The following JAM2 variants were observed in gnomAD, a reference collection of about 807,000 sequenced individuals.
JAM2 encodes the protein junctional adhesion molecule 2, also known as junctional adhesion molecule B.
JAM2 carries 17 observed loss-of-function variants against 42.0 expected under a neutral mutation model. The ratio of observed to expected loss-of-function variants is 0.40; its 90% CI spans 0.28 to 0.61. The LOEUF is 0.61. Ranked by LOEUF, JAM2 falls within the 20% of genes least tolerant of loss-of-function variation. JAM2 has a pLI of 0.37. For synonymous variants in JAM2, 118 were observed against 128.6 expected, an observed-to-expected ratio of 0.92 and a Z score of 0.56; for missense variants, 319 against 358.3, an observed-to-expected ratio of 0.89 and a Z score of 0.89.
intron 1 of JAM2, among the ~76,000 whole-genome samples, chr21:25,663,438 G>T (rs1410176403): frequency 6.6e-6 from 1 of 152,172 alleles, no homozygotes; most frequent in African/African-American, 2.4e-5. Context: ...TTGAATATTT[G>T]TTCCCTTCAA....
At chr21:25,641,368 C>T (rs1032238507) in intron 1 of JAM2, among the ~76,000 whole-genome samples, 7 of 152,258 alleles carry the variant, frequency 4.6e-5, no homozygotes, top group Admixed American at 2.6e-4. Flanking sequence ...AGAAACAATA[C>T]ACCCCAAGTC....
At chr21:25,665,807 G>A (rs550119182) in intron 1 of JAM2, among the ~76,000 whole-genome samples, 1 of 152,188 alleles carries the variant, frequency 6.6e-6, no homozygotes, top group East Asian at 1.9e-4. Flanking sequence ...TTGGGAGGCC[G>A]AGGCGGGTGG....
rs758045642 is a variant in JAM2 at position 25,643,378 on chromosome 21, C to A, written c.67+3490C>A. 5.0e-4 allele frequency: 76 copies of A among 152,308 alleles called. 1 individual carries two copies. The highest frequency in any genetic ancestry group is 1.0e-3 in the South Asian group (5 of 4,816). 9.4% of individuals were successfully genotyped at this position (152,308 alleles called of 1,614,324 possible). On this transcript the variant is annotated intron_variant, in intron 1 of 9. Coordinates refer to ENST00000480456, the MANE Select transcript of JAM2 (RefSeq NM_021219.4). Reference sequence around the variant, plus strand: ...GAATCAGTTCCTGATTCCACCTAACCAGTAGCAGCTGGTCCTCAGATCTGG... The same window carrying A: ...GAATCAGTTCCTGATTCCACCTAACAAGTAGCAGCTGGTCCTCAGATCTGG...
At chr21:25,699,131 G>T (rs552776398) in intron 5 of JAM2, among the ~76,000 whole-genome samples, 29 of 152,108 alleles carry the variant, frequency 1.9e-4, no homozygotes, top group Admixed American at 1.6e-3. Context: ...AGGGGCAAAG[G>T]CTCCTGAAAC....
At chr21:25,650,274 T>C (rs2032735616) in intron 1 of JAM2, among the ~76,000 whole-genome samples, 1 of 152,236 alleles carries the variant, frequency 6.6e-6, no homozygotes, top group African/African-American at 2.4e-5. Flanking sequence ...TTGTCCAGTA[T>C]TTTTATAGGT....
At chr21:25,644,880 T>TTGTTTGTC (rs2032560299) in intron 1 of JAM2, among the ~76,000 whole-genome samples, 1 of 151,716 alleles carries the variant, frequency 6.6e-6, no homozygotes, top group Admixed American at 6.6e-5. Flanking sequence ...GTTTGTTTGT[T>TTGTTTGTC]TGTTTGTTTG....
In JAM2 at chr21:25,642,525, T is replaced by C. The variant is rs184010609; in HGVS notation, c.67+2637T>C. ...CATTTATAATATCATGCTTACTCCC[T>C]TCTTTCCTTTTTATCCTGCTGTTTA... On this transcript the variant is annotated intron_variant, in intron 1 of 9. Transcript: ENST00000480456. Among the ~76,000 whole-genome samples, 29 of 152,342 alleles carry C rather than the reference T, an allele frequency of 1.9e-4. No individual in the cohort carries two copies. In the East Asian group the frequency reaches 5.6e-3, roughly 29 times the overall value.
intron 5 of JAM2, among the ~76,000 whole-genome samples, chr21:25,701,516 T>A (rs2034165285): frequency 6.6e-6 from 1 of 151,268 alleles, no homozygotes; most frequent in South Asian, 2.1e-4. Context: ...TCCAAGGGGA[T>A]AAAAACTACT....
intron 2 of JAM2, among the ~76,000 whole-genome samples, chr21:25,687,101 T>C (rs1212818665): frequency 6.6e-6 from 1 of 152,174 alleles, no homozygotes; most frequent in Non-Finnish European, 1.5e-5. Flanking sequence ...GAGTGATTTA[T>C]AGGTAAATTT....
intron 1 of JAM2, chr21:25,643,661 A>G (rs1183200455): frequency 6.6e-6 from 1 of 152,256 alleles, no homozygotes; most frequent in African/African-American, 2.4e-5. Context: ...TTATCTGATG[A>G]ACAGAAACGC....
intron 6 of JAM2, among the ~76,000 whole-genome samples, chr21:25,703,006 C>A (rs982747805): frequency 6.6e-6 from 1 of 152,156 alleles, no homozygotes; most frequent in East Asian, 1.9e-4. Context: ...GCATGCCCAC[C>A]GCACCCAGCT....
intron 1 of JAM2, among the ~76,000 whole-genome samples, chr21:25,677,606 G>A (rs535252553): frequency 5.9e-4 from 90 of 152,226 alleles, no homozygotes; most frequent in African/African-American, 2.0e-3. Context: ...ATGAAGGAAG[G>A]CCAGAACCTA....
intron 1 of JAM2, among the ~76,000 whole-genome samples, chr21:25,681,914 G>A (rs532208323): frequency 7.9e-5 from 12 of 152,284 alleles, no homozygotes; most frequent in Non-Finnish European, 1.2e-4. Flanking sequence ...CCCGGGAGGC[G>A]GAGCTGGTAG....
At chr21:25,696,413 G>A (rs1427310386) in intron 4 of JAM2, among the ~76,000 whole-genome samples, 20 of 152,076 alleles carry the variant, frequency 1.3e-4, no homozygotes, top group Admixed American at 1.3e-3. Flanking sequence ...AGAGGGAGGA[G>A]GAGGGGGAGA....
intron 7 of JAM2, among the ~76,000 whole-genome samples, chr21:25,706,679 C>T (rs2829871): frequency 0.14 from 20,631 of 152,154 alleles, 1,837 homozygotes; most frequent in African/African-American, 0.26. Flanking sequence ...TGCAGTGCAG[C>T]GAGACAGAGA....
At chr21:25,697,155 G>A (rs956608199) in intron 4 of JAM2, among the ~76,000 whole-genome samples, 1 of 151,854 alleles carries the variant, frequency 6.6e-6, no homozygotes, top group African/African-American at 2.4e-5. Context: ...TTCTCCTTGT[G>A]CCTTGAATAT....
At chr21:25,685,067 C>T (rs1362728832) in intron 2 of JAM2, among the ~76,000 whole-genome samples, 1 of 152,108 alleles carries the variant, frequency 6.6e-6, no homozygotes, top group Admixed American at 6.5e-5. Flanking sequence ...TGTCTGATCT[C>T]TCATCATCAG....
At chr21:25,689,019 G>GTT (rs67360261) in intron 2 of JAM2, among the ~76,000 whole-genome samples, 2 of 142,980 alleles carry the variant, frequency 1.4e-5, no homozygotes, top group Non-Finnish European at 1.5e-5. Flanking sequence ...TGGGTTTTTT[G>GTT]TTTTTTTTTT....
intron 1 of JAM2, among the ~76,000 whole-genome samples, chr21:25,651,786 G>A (rs2032789146): frequency 6.6e-6 from 1 of 152,226 alleles, no homozygotes; most frequent in Admixed American, 6.5e-5. Flanking sequence ...GGTAGGCACT[G>A]TAGCGATATA....
Sources: allele counts gnomAD v4.1 joint callset (sites outside exome capture counted in the v4.1 genomes callset), GRCh38; gene constraint gnomAD v4.1.1; transcripts MANE v1.5; gene names NCBI Gene and HGNC (gene_info 2026-07-23, HGNC 2026-07-21).